The following EPDR1 variants were observed in gnomAD, a reference collection of about 807,000 sequenced individuals.
EPDR1 encodes ependymin related 1, also known as mammalian ependymin-related protein 1.
In EPDR1, 27 loss-of-function variants were observed where a neutral mutation model predicts 23.7. That is an observed-to-expected ratio of 1.14 (90% CI 0.84 to 1.57). The LOEUF is 1.57. EPDR1 is among the 40% of genes most tolerant of loss of function. EPDR1 has a pLI of 0.00. For synonymous variants in EPDR1, 137 were observed against 118.2 expected (o/e 1.16, Z -1.03); for missense variants, 349 against 290.4 (o/e 1.20, Z -1.47).
chr7:37,925,109 T>G (rs1342666562), intron 1 of EPDR1, among the ~76,000 whole-genome samples: 1 of 152,002 alleles, frequency 6.6e-6, no homozygotes, highest in African/African-American at 2.4e-5. Flanking sequence ...CCATTTTATT[T>G]TCTAATTCCA....
rs188143868 is a variant in EPDR1 at position 37,946,960 on chromosome 7, G to A, written c.270-1880G>A. 7.7e-4 allele frequency among the ~76,000 whole-genome samples: 117 copies of A among 152,234 alleles called. 2 individuals are homozygous for A. Among genetic ancestry groups the A allele is most frequent in the Admixed American group, 2.0e-3 (30 of 15,290 alleles). ...ATGTATATAAAGTTAAAAAGTTACA[G>A]GAAGCTAAAATTAATGTATTATTGA... is the stretch of plus-strand genomic sequence containing the variant. On this transcript the variant is annotated intron_variant, in intron 1 of 2. Coordinates refer to ENST00000199448, the MANE Select transcript of EPDR1 (RefSeq NM_017549.5).
intron 1 of EPDR1, among the ~76,000 whole-genome samples, chr7:37,936,990 A>C (rs905683400): frequency 2.6e-5 from 4 of 152,170 alleles, no homozygotes; most frequent in Non-Finnish European, 5.9e-5. Flanking sequence ...GAGGACTAGT[A>C]AATTTGACCA....
At chr7:37,921,265 C>T in intron 1 of EPDR1, 57 bp downstream of exon 1, 3 of 1,525,278 alleles carry the variant, frequency 2.0e-6, no homozygotes, top group Non-Finnish European at 2.6e-6. Flanking sequence ...ATGGGGAGGG[C>T]GAGGTCGCAG....
At chr7:37,931,672 A>T (rs1562858796) in intron 1 of EPDR1, among the ~76,000 whole-genome samples, 1 of 151,804 alleles carries the variant, frequency 6.6e-6, no homozygotes, top group Admixed American at 6.6e-5. Context: ...TTTTAGGGGA[A>T]CTTTGTTTTT....
At chr7:37,934,086 C>A (rs1442450331) in intron 1 of EPDR1, among the ~76,000 whole-genome samples, 1 of 151,850 alleles carries the variant, frequency 6.6e-6, no homozygotes, top group Non-Finnish European at 1.5e-5. Flanking sequence ...ACGCCATTCT[C>A]CTGCCTCAGC....
Position 37,948,035 on chromosome 7 carries a change from A to C in EPDR1, c.270-805A>C, listed in dbSNP as rs570977253. ...CCGTGCCGGATCAGCTATGCGCATCAAAGCCCCTTACTCATGACTGCTCGG... is the reference window on the plus strand; with the variant it reads ...CCGTGCCGGATCAGCTATGCGCATCCAAGCCCCTTACTCATGACTGCTCGG... On this transcript the variant is annotated intron_variant, in intron 1 of 2. Transcript: ENST00000199448. 2.0e-5 allele frequency among the ~76,000 whole-genome samples: 3 copies of C among 152,350 alleles called. No individual in the cohort carries two copies. The East Asian group carries it at 5.8e-4, about 29-fold the overall frequency.
chr7:37,940,493 A>G (rs1299957012), intron 1 of EPDR1, among the ~76,000 whole-genome samples: 3 of 152,218 alleles, frequency 2.0e-5, no homozygotes, highest in Admixed American at 6.5e-5. Flanking sequence ...ATAACCACAC[A>G]GAGAATAGGC....
Position 37,950,544 on chromosome 7 carries a change from C to A in EPDR1, c.*148C>A. 1 of 759,754 alleles carries A rather than the reference C, an allele frequency of 1.3e-6. No homozygotes were observed. Among genetic ancestry groups the A allele is most frequent in the Non-Finnish European group, 2.1e-6 (1 of 485,478 alleles). 47.1% of individuals were successfully genotyped at this position (759,754 alleles called of 1,614,324 possible). ...ACATTGATGTGGGGTTTTGATGTGTCTGATTTTGACTACTCAAGCTCTGTT... is the reference window on the plus strand; with the variant it reads ...ACATTGATGTGGGGTTTTGATGTGTATGATTTTGACTACTCAAGCTCTGTT... On this transcript the variant is annotated 3_prime_UTR_variant, in exon 3 of 3. Transcript: ENST00000199448.
intron 1 of EPDR1, among the ~76,000 whole-genome samples, chr7:37,934,159 G>T (rs1347656715): frequency 6.6e-6 from 1 of 152,052 alleles, no homozygotes; most frequent in African/African-American, 2.4e-5. Context: ...TGTATTTTTA[G>T]TAGAGACGGA....
rs1583674399 is a variant in EPDR1, at chr7:37,950,608, A to G, written c.*212A>G. The G allele has an allele frequency of 1.8e-6, 1 of 560,778 alleles. No homozygotes were observed. Among genetic ancestry groups the G allele is most frequent in the East Asian group, 2.9e-5 (1 of 34,728 alleles). 34.7% of individuals were successfully genotyped at this position (560,778 alleles called of 1,614,324 possible). Reference sequence around the variant, plus strand: ...TGAATGGCGAGGGTGTGGCCATATGAACTGACTAGATGGCTAATATGGACA... The same window carrying G: ...TGAATGGCGAGGGTGTGGCCATATGGACTGACTAGATGGCTAATATGGACA... On this transcript the variant is annotated 3_prime_UTR_variant, in exon 3 of 3. Coordinates refer to ENST00000199448, the MANE Select transcript of EPDR1 (RefSeq NM_017549.5).
intron 1 of EPDR1, among the ~76,000 whole-genome samples, chr7:37,928,077 GA>G (rs1438004723): frequency 3.3e-5 from 5 of 152,122 alleles, no homozygotes; most frequent in African/African-American, 1.2e-4. Context: ...AGGCACTGGG[GA>G]AAAAAGATCC....
At chr7:37,934,258 G>A (rs1313697958) in intron 1 of EPDR1, among the ~76,000 whole-genome samples, 1 of 152,166 alleles carries the variant, frequency 6.6e-6, no homozygotes, top group African/African-American at 2.4e-5. Context: ...TTACAGGCGT[G>A]AGCCACCACG....
chr7:37,934,858 T>A (rs1786017214), intron 1 of EPDR1, among the ~76,000 whole-genome samples: 2 of 151,986 alleles, frequency 1.3e-5, no homozygotes, highest in South Asian at 4.2e-4. Flanking sequence ...GGCAGGAAGA[T>A]TGCTTGAGCC....
chr7:37,927,042 C>T (rs1380693323), intron 1 of EPDR1, among the ~76,000 whole-genome samples: 3 of 152,132 alleles, frequency 2.0e-5, no homozygotes, highest in African/African-American at 7.2e-5. Context: ...TCCGGCACAG[C>T]AAGATATTTC....
At chr7:37,934,203 C>T (rs1786002607) in intron 1 of EPDR1, among the ~76,000 whole-genome samples, 1 of 152,152 alleles carries the variant, frequency 6.6e-6, no homozygotes. Context: ...GTCTCGATCT[C>T]CTGACCTCCT....
At chr7:37,937,854 C>A (rs142442826) in intron 1 of EPDR1, among the ~76,000 whole-genome samples, 134 of 152,206 alleles carry the variant, frequency 8.8e-4, no homozygotes, top group African/African-American at 3.1e-3. Context: ...GCCCCATCAA[C>A]TTCAATACAG....
At chr7:37,933,542 A>C (rs915161723) in intron 1 of EPDR1, among the ~76,000 whole-genome samples, 6 of 152,236 alleles carry the variant, frequency 3.9e-5, no homozygotes, top group Non-Finnish European at 7.3e-5. Flanking sequence ...ATGTTCAACC[A>C]GCTGAATTTG....
Position 37,931,885 on chromosome 7 carries a change from T to A in EPDR1, c.269+10677T>A, listed in dbSNP as rs536674985. On this transcript the variant is annotated intron_variant, in intron 1 of 2. Transcript: ENST00000199448. Reference sequence around the variant, plus strand: ...GCCTAATTTATTTATTTATTTATTTTTTGTAGTAGAGAAAGGGTTTCACTG... The same window carrying A: ...GCCTAATTTATTTATTTATTTATTTATTGTAGTAGAGAAAGGGTTTCACTG... 6.6e-5 allele frequency among the ~76,000 whole-genome samples: 10 copies of A among 152,172 alleles called. No homozygotes were observed. The South Asian group carries it at 1.2e-3, about 19-fold the overall frequency.
Position 37,920,681 on chromosome 7 carries a change from G to T in EPDR1, c.-259G>T. ...GCAGAAGGCAGTGGCAGCAGGCAGT[G>T]GCAGCAGGCAGTGGCCCAGGCAGAA... is the stretch of plus-strand genomic sequence containing the variant. On this transcript the variant is annotated 5_prime_UTR_variant, in exon 1 of 3. Coordinates refer to ENST00000199448, the MANE Select transcript of EPDR1 (RefSeq NM_017549.5). 1 of 1,592,706 alleles carries T rather than the reference G, an allele frequency of 6.3e-7. No individual in the cohort carries two copies. The highest frequency in any genetic ancestry group is 8.6e-7 in the Non-Finnish European group (1 of 1,165,612).
Sources: allele counts gnomAD v4.1 joint callset (sites outside exome capture counted in the v4.1 genomes callset), GRCh38; gene constraint gnomAD v4.1.1; transcripts MANE v1.5; gene names NCBI Gene and HGNC (gene_info 2026-07-23, HGNC 2026-07-21).